Variants in C4orf17 observed in about 807,000 individuals in gnomAD.
C4orf17 encodes chromosome 4 open reading frame 17.
Under a neutral mutation model 32.0 loss-of-function variants are expected in C4orf17, and 25 were observed. The ratio of observed to expected loss-of-function variants is 0.78; its 90% CI spans 0.57 to 1.09. The LOEUF is 1.09. Ranked by LOEUF, C4orf17 falls within the 50% of genes least tolerant of loss-of-function variation. The pLI is 0.00. For missense variants in C4orf17, 420 were observed against 420.0 expected, an observed-to-expected ratio of 1.00 and a Z score of 0.00; for synonymous variants, 149 against 145.8, an observed-to-expected ratio of 1.02 and a Z score of -0.16.
At chr4:99,531,346 A>C (rs1368150607) in intron 5 of C4orf17, among the ~76,000 whole-genome samples, 1 of 152,154 alleles carries the variant, frequency 6.6e-6, no homozygotes, top group Non-Finnish European at 1.5e-5. Flanking sequence ...AATTAAAAGG[A>C]AAAGTGAACT....
At chr4:99,540,601 T>A in intron 8 of C4orf17, 146 bp downstream of exon 8, 1 of 574,188 alleles carries the variant, frequency 1.7e-6, no homozygotes. Flanking sequence ...TGAGAGAGCA[T>A]CTGCTTACTT....
At chr4:99,533,821 G>A (rs903789535) in intron 5 of C4orf17, among the ~76,000 whole-genome samples, 11 of 152,010 alleles carry the variant, frequency 7.2e-5, no homozygotes, top group Non-Finnish European at 1.5e-5. Flanking sequence ...GAACATACCA[G>A]GACTTCAATT....
rs1380885443 is a variant in C4orf17 at position 99,511,164 on chromosome 4, T to G, written c.-202T>G. The stretch of plus-strand genomic sequence containing the variant: ...AAAACTTCTAGCTTAAGTGCAGAGA[T>G]TTAAGGAGATCAACAAAAACTCAGT... On this transcript the variant is annotated 5_prime_UTR_variant, in exon 1 of 9. Transcript: ENST00000326581. The G allele has an allele frequency of 1.3e-5, 2 of 152,168 alleles. No homozygotes were observed. The highest frequency in any genetic ancestry group is 2.9e-5 in the Non-Finnish European group (2 of 68,004). The allele number at this position is 152,168 out of a possible 1,614,324, so 9.4% of individuals were successfully genotyped here.
At position 99,529,808 on chromosome 4, in the gene C4orf17, G is replaced by T. The variant is rs1723448224; in HGVS notation, c.403-7G>T. On this transcript the variant is annotated splice_region_variant and splice_polypyrimidine_tract_variant and intron_variant, in intron 4 of 8. Transcript: ENST00000326581. ...TGTATATTGGTTATATTATACTTTTGATTTAGGAAGAAATTAAGGCCAAAA... is the reference window on the plus strand; with the variant it reads ...TGTATATTGGTTATATTATACTTTTTATTTAGGAAGAAATTAAGGCCAAAA... The T allele has an allele frequency of 1.3e-6, 2 of 1,599,876 alleles. No homozygotes were observed. Among genetic ancestry groups the T allele is most frequent in the South Asian group, 1.1e-5 (1 of 88,312 alleles).
intron 7 of C4orf17, 45 bp downstream of exon 7, chr4:99,539,415 T>C: frequency 7.0e-7 from 1 of 1,421,086 alleles, no homozygotes; most frequent in Non-Finnish European, 9.9e-7. Context: ...CTATGGCACA[T>C]GAAGACTTTG....
intron 3 of C4orf17, among the ~76,000 whole-genome samples, 185 bp downstream of exon 3, chr4:99,522,894 C>T (rs561326237): frequency 5.3e-5 from 8 of 152,106 alleles, no homozygotes; most frequent in African/African-American, 1.9e-4. Flanking sequence ...ACAATGATGT[C>T]AAAAATGTTA....
At chr4:99,524,460 C>A in intron 3 of C4orf17, 61 bp from the exon 4 acceptor site, 1 of 974,096 alleles carries the variant, frequency 1.0e-6, no homozygotes, top group South Asian at 1.4e-5. Flanking sequence ...ACACATATAT[C>A]ATGTGATATA....
intron 2 of C4orf17, among the ~76,000 whole-genome samples, chr4:99,518,518 A>AATATATATAT (rs1323508832): frequency 1.4e-3 from 24 of 16,830 alleles, no homozygotes; most frequent in African/African-American, 2.9e-3. Context: ...AAAAAAAAAA[A>AATATATATAT]ATATATATAT....
chr4:99,537,518 C>A lies in C4orf17; in HGVS notation c.547-151C>A, dbSNP rs1034085815. 4 of 605,030 alleles carry A rather than the reference C, an allele frequency of 6.6e-6. No homozygotes were observed. The East Asian group carries it at 1.1e-4, about 17-fold the overall frequency. 37.5% of individuals were successfully genotyped at this position (605,030 alleles called of 1,614,324 possible). A position where few individuals can be genotyped will look rare whatever the true frequency, so the allele number is the denominator to read the frequency against. The stretch of plus-strand genomic sequence containing the variant: ...GATTCTACTGTGTGCTATTTGAAAT[C>A]GAGCTCGTGAGTTAAAAATCCCAAT... On this transcript the variant is annotated intron_variant, in intron 5 of 8. Transcript: ENST00000326581.
In C4orf17 at chr4:99,541,979, G is replaced by C. The variant is rs1402351341; in HGVS notation, c.950G>C (p.Ser317Thr). The C allele has an allele frequency of 6.2e-7, 1 of 1,613,918 alleles. No individual in the cohort carries two copies. Among genetic ancestry groups the C allele is most frequent in the South Asian group, 1.1e-5 (1 of 91,064 alleles). Residue 317 changes from serine (S) to threonine (T), a missense_variant, in exon 9 of 9, where the codon AGC becomes ACC. Physicochemically the swap from Ser to Thr is moderately conservative, Grantham distance 58 (BLOSUM62 1). Coordinates refer to ENST00000326581, the MANE Select transcript of C4orf17 (RefSeq NM_032149.3). ...NMKIPVAEYF[S>T]KPNSPPRPNT... The stretch of plus-strand genomic sequence containing the variant: ...AAAATACCTGTTGCAGAATATTTCA[G>C]CAAACCAAATTCTCCTCCCAGGCCT...
intron 2 of C4orf17, among the ~76,000 whole-genome samples, chr4:99,518,575 A>AGAGAGAGAGG (rs1560585632): frequency 7.9e-6 from 1 of 125,834 alleles, no homozygotes; most frequent in Admixed American, 7.7e-5. Flanking sequence ...AGAGAGAGAG[A>AGAGAGAGAGG]GAGAGAGAGG....
At chr4:99,526,651 C>CTTTTTTTTTTTTT (rs145120945) in intron 4 of C4orf17, among the ~76,000 whole-genome samples, 1 of 137,612 alleles carries the variant, frequency 7.3e-6, no homozygotes, top group African/African-American at 2.6e-5. Flanking sequence ...CTTTTCTTTT[C>CTTTTTTTTTTTTT]TTTTTTTTTT....
intron 1 of C4orf17, among the ~76,000 whole-genome samples, chr4:99,512,244 A>G (rs1723104406): frequency 6.6e-6 from 1 of 152,220 alleles, no homozygotes; most frequent in Non-Finnish European, 1.5e-5. Context: ...CAAGCACCAG[A>G]AAATCATCCT....
At chr4:99,522,366 A>G in intron 2 of C4orf17, 134 bp from the exon 3 acceptor site, 1 of 668,402 alleles carries the variant, frequency 1.5e-6, no homozygotes, top group Non-Finnish European at 2.3e-6. Flanking sequence ...TTTGGTTTAT[A>G]CAATTTGAAG....
Position 99,514,642 on chromosome 4 carries a change from A to G in C4orf17, c.127+1434A>G, listed in dbSNP as rs537180570. 7.2e-5 allele frequency among the ~76,000 whole-genome samples: 11 copies of G among 152,352 alleles called. 1 individual carries two copies. Among genetic ancestry groups the G allele is most frequent in the African/African-American group, 2.6e-4 (11 of 41,586 alleles). On this transcript the variant is annotated intron_variant, in intron 2 of 8. Coordinates refer to ENST00000326581, the MANE Select transcript of C4orf17 (RefSeq NM_032149.3). ...GATATGGTGAAAAGGGAACACTTTT[A>G]CACTTATGGTAGAAGTGTAAACTAG... is the stretch of plus-strand genomic sequence containing the variant.
intron 3 of C4orf17, among the ~76,000 whole-genome samples, chr4:99,524,189 G>T (rs1723347265): frequency 6.6e-6 from 1 of 151,962 alleles, no homozygotes; most frequent in Non-Finnish European, 1.5e-5. Context: ...CACCGTGTTA[G>T]CCAGGATGGT....
chr4:99,513,174 C>T lies in C4orf17; in HGVS notation c.93C>T (p.His31=). Residue 31 remains histidine, a synonymous_variant, in exon 2 of 9, where the codon CAC becomes CAT. Transcript: ENST00000326581. ...ATGTAAGCTGCTTTCTAGTCAGGCA[C>T]ACCCCTCATCCCAGAAGAGTCTGCC... ...ARNVSCFLVR[H]TPHPRRVCHI... 6.2e-7 allele frequency: 1 copy of T among 1,613,900 alleles called. No homozygotes were observed. The highest frequency in any genetic ancestry group is 8.5e-7 in the Non-Finnish European group (1 of 1,179,836).
At chr4:99,515,158 TTGGG>T (rs1361208417) in intron 2 of C4orf17, among the ~76,000 whole-genome samples, 11 of 152,158 alleles carry the variant, frequency 7.2e-5, no homozygotes, top group Non-Finnish European at 1.6e-4. Context: ...CGTACACTGC[TTGGG>T]TGATGGGTGC....
At chr4:99,527,186 C>G (rs1482223982) in intron 4 of C4orf17, among the ~76,000 whole-genome samples, 4 of 152,002 alleles carry the variant, frequency 2.6e-5, no homozygotes, top group Admixed American at 2.6e-4. Context: ...TATTTACTTT[C>G]TAAATATTTG....
Sources: allele counts gnomAD v4.1 joint callset (sites outside exome capture counted in the v4.1 genomes callset), GRCh38; gene constraint gnomAD v4.1.1; transcripts MANE v1.5; gene names NCBI Gene and HGNC (gene_info 2026-07-23, HGNC 2026-07-21).